RARS2: variants seen among roughly 807,000 people sequenced by gnomAD.
RARS2 encodes the protein probable arginine--tRNA ligase, mitochondrial.
A neutral mutation model predicts 88.5 loss-of-function variants in RARS2; 67 were observed. The ratio of observed to expected loss-of-function variants is 0.76; its 90% confidence interval spans 0.62 to 0.93. The LOEUF (loss-of-function observed/expected upper bound fraction) is 0.93. RARS2 is among the 40% of genes least tolerant of loss of function. RARS2 has a pLI of 0.00. For missense variants in RARS2, 664 were observed against 684.2 expected (o/e 0.97, Z 0.33); for synonymous variants, 239 against 230.3 (o/e 1.04, Z -0.34).
intron 1 of RARS2, among the ~76,000 whole-genome samples, chr6:87,577,497 T>G (rs187207561): frequency 6.6e-6 from 1 of 152,308 alleles, no homozygotes; most frequent in East Asian, 1.9e-4. Context: ...GCACTCAGTC[T>G]TATTTCTAAA....
chr6:87,575,264 CACACACA>C (rs1053927615), intron 1 of RARS2, among the ~76,000 whole-genome samples: 12 of 148,400 alleles, frequency 8.1e-5, no homozygotes, highest in African/African-American at 3.1e-4. Context: ...CACACACACA[CACACACA>C]CACACACCTT....
At chr6:87,542,497 T>C (rs1296661403) in intron 7 of RARS2, among the ~76,000 whole-genome samples, 5 of 152,224 alleles carry the variant, frequency 3.3e-5, no homozygotes, top group East Asian at 1.9e-4. Flanking sequence ...TTAAACAAAA[T>C]TGGAGGAAAA....
chr6:87,540,871 G>T (rs12663400), intron 8 of RARS2, among the ~76,000 whole-genome samples: 62,920 of 151,990 alleles, frequency 0.41, 13,124 homozygotes, highest in Admixed American at 0.48. Context: ...CCAGGAAAAG[G>T]AGGTGAAAGA....
intron 14 of RARS2, 98 bp downstream of exon 14, chr6:87,519,485 A>G (rs1773121558): frequency 5.1e-6 from 7 of 1,359,376 alleles, no homozygotes; most frequent in East Asian, 4.7e-5. Context: ...TGACACTTCA[A>G]TGGAGGGACA....
intron 1 of RARS2, among the ~76,000 whole-genome samples, chr6:87,571,380 A>C (rs1226897670): frequency 6.6e-6 from 1 of 152,216 alleles, no homozygotes; most frequent in African/African-American, 2.4e-5. Context: ...TTTCCTTTAT[A>C]AATTACCCAG....
intron 8 of RARS2, among the ~76,000 whole-genome samples, chr6:87,533,704 G>A (rs1032528604): frequency 3.9e-5 from 6 of 152,084 alleles, no homozygotes; most frequent in South Asian, 2.1e-4. Flanking sequence ...CTAGATGTTG[G>A]GCCTGCCAAA....
intron 1 of RARS2, among the ~76,000 whole-genome samples, chr6:87,571,570 A>C (rs1433334361): frequency 6.6e-6 from 1 of 152,178 alleles, no homozygotes; most frequent in African/African-American, 2.4e-5. Flanking sequence ...AAAGGACTAT[A>C]CATGGCTGTA....
chr6:87,566,250 A>T lies in RARS2; in HGVS notation c.111-2018T>A, dbSNP rs550219143. Among the ~76,000 whole-genome samples, 5 of 152,380 alleles carry T rather than the reference A, an allele frequency of 3.3e-5. No individual in the cohort carries two copies. The South Asian group carries it at 1.0e-3, about 32-fold the overall frequency. Reference sequence around the variant, plus strand: ...CGATATTCATTTTAAAAACAGAATTATGTCAGGAAAAGGATTCAAATATCT... The same window carrying T: ...CGATATTCATTTTAAAAACAGAATTTTGTCAGGAAAAGGATTCAAATATCT... On this transcript the variant is annotated intron_variant, in intron 2 of 19. Transcript: ENST00000369536.
intron 18 of RARS2, 102 bp from the exon 19 acceptor site, chr6:87,515,122 A>T: frequency 1.1e-6 from 1 of 921,390 alleles, no homozygotes; most frequent in Non-Finnish European, 1.8e-6. Flanking sequence ...AATAAAGCCC[A>T]GAACCATTAA....
rs1277271486 is a variant in RARS2, at chr6:87,518,863, C to G, written c.1266G>C (p.Glu422Asp). 6.2e-7 allele frequency: 1 copy of G among 1,614,068 alleles called. No homozygotes were observed. The highest frequency in any genetic ancestry group is 1.1e-5 in the South Asian group (1 of 91,066). ...KTTKELKNPQ[E>D]TAERVGLAAL... ...CTGCGAGCCCGACCCTCTCTGCAGT[C>G]TCTTGTGGGTTCTTGAGTTCTTTAG... The change falls in exon 15 of 20, where the codon GAG becomes GAC. Residue 422 changes from glutamate (E) to aspartate (D), a missense_variant. By Grantham distance (45) the Glu-to-Asp change is conservative (BLOSUM62 2). Coordinates refer to ENST00000369536, the MANE Select transcript of RARS2 (RefSeq NM_020320.5).
intron 18 of RARS2, among the ~76,000 whole-genome samples, chr6:87,516,376 C>T (rs1222750165): frequency 2.0e-5 from 3 of 152,214 alleles, no homozygotes; most frequent in African/African-American, 7.2e-5. Flanking sequence ...CATTCATCAG[C>T]CCTCCCAGGA....
intron 2 of RARS2, among the ~76,000 whole-genome samples, chr6:87,567,558 C>T (rs1007359204): frequency 6.6e-6 from 1 of 152,058 alleles, no homozygotes; most frequent in Non-Finnish European, 1.5e-5. Context: ...ACCATGTTAA[C>T]AAAAATACTA....
intron 10 of RARS2, among the ~76,000 whole-genome samples, chr6:87,527,801 C>T (rs571870108): frequency 4.0e-4 from 60 of 150,848 alleles, no homozygotes; most frequent in Non-Finnish European, 7.4e-4. Context: ...TCTCAGTAAA[C>T]TAATGCAGGA....
At chr6:87,557,654 T>G (rs1786404594) in intron 4 of RARS2, among the ~76,000 whole-genome samples, 1 of 152,232 alleles carries the variant, frequency 6.6e-6, no homozygotes, top group Non-Finnish European at 1.5e-5. Flanking sequence ...CCCTCCTTCC[T>G]CAGGAGTAAA....
At chr6:87,572,895 T>C (rs529122712) in intron 1 of RARS2, among the ~76,000 whole-genome samples, 1 of 152,286 alleles carries the variant, frequency 6.6e-6, no homozygotes, top group East Asian at 1.9e-4. Context: ...CTACACAGCA[T>C]GTTTTACACC....
At chr6:87,524,499 T>A in intron 11 of RARS2, 58 bp downstream of exon 11, 1 of 1,300,086 alleles carries the variant, frequency 7.7e-7, no homozygotes, top group Non-Finnish European at 1.1e-6. Context: ...GTACATAGTG[T>A]TTCATCTGAA....
At chr6:87,546,394 A>C (rs1284405000) in intron 6 of RARS2, among the ~76,000 whole-genome samples, 3 of 152,180 alleles carry the variant, frequency 2.0e-5, no homozygotes, top group African/African-American at 7.2e-5. Context: ...CTATTTTTTT[A>C]TGACAAGCAC....
At chr6:87,571,379 T>C (rs1769668445) in intron 1 of RARS2, among the ~76,000 whole-genome samples, 1 of 152,250 alleles carries the variant, frequency 6.6e-6, no homozygotes, top group African/African-American at 2.4e-5. Flanking sequence ...CTTTCCTTTA[T>C]AAATTACCCA....
chr6:87,518,679 GACTCTGGAAAACACGATCCCAGCTGA>G lies in RARS2; in HGVS notation c.1340_1365del (p.Phe447SerfsTer29), dbSNP rs1064795060. 6 of 1,613,898 alleles carry G rather than the reference GACTCTGGAAAACACGATCCCAGCTGA, an allele frequency of 3.7e-6. No homozygotes were observed. Among genetic ancestry groups the G allele is most frequent in the Non-Finnish European group, 4.2e-6 (5 of 1,179,970 alleles). ...TGTAGGAAGACTCCTGTGTCCCCGC[GACTCTGGAAAACACGATCCCAGCTGA>G]ACTTGTAGTCAGATAAGAGTAAACC... On this transcript the variant is annotated frameshift_variant, in exon 16 of 20. Coordinates refer to ENST00000369536, the MANE Select transcript of RARS2 (RefSeq NM_020320.5). LOFTEE classifies it high-confidence loss of function.
Sources: gnomAD v4.1 joint callset for allele counts (sites outside exome capture counted in the v4.1 genomes callset) on GRCh38, gnomAD v4.1.1 for gene constraint, MANE v1.5 for transcripts, NCBI Gene and HGNC (gene_info 2026-07-23, HGNC 2026-07-21) for gene names.